The following RABL3 variants were observed in gnomAD, a reference collection of about 807,000 sequenced individuals.
RABL3 encodes RAB, member of RAS oncogene family like 3.
A neutral mutation model predicts 31.8 loss-of-function variants in RABL3; 31 were observed. The observed-to-expected ratio is 0.97, with a 90% CI of 0.73 to 1.31. RABL3 has a LOEUF of 1.31. Ranked by LOEUF, RABL3 falls within the 40% of genes most tolerant of loss-of-function variation. RABL3 has a pLI of 0.00. For missense variants in RABL3, 263 were observed against 279.6 expected (o/e 0.94, Z 0.42); for synonymous variants, 97 against 99.9 (o/e 0.97, Z 0.18).
intron 1 of RABL3, among the ~76,000 whole-genome samples, chr3:120,740,875 G>T (rs576542407): frequency 6.6e-6 from 1 of 152,298 alleles, no homozygotes; most frequent in East Asian, 1.9e-4. Context: ...GGGGAGGCGG[G>T]CAGTAGGGAA....
At chr3:120,716,251 T>C (rs1324281086) in intron 2 of RABL3, among the ~76,000 whole-genome samples, 2 of 152,240 alleles carry the variant, frequency 1.3e-5, no homozygotes, top group African/African-American at 4.8e-5. Context: ...AGAGTAGCCA[T>C]GTATTTGTAT....
intron 4 of RABL3, among the ~76,000 whole-genome samples, chr3:120,702,496 C>T (rs1309068980): frequency 3.9e-5 from 6 of 152,118 alleles, no homozygotes; most frequent in Admixed American, 6.5e-5. Context: ...GGCCTGGTTC[C>T]TAACAGGCCA....
rs559746867 is a variant in RABL3, at chr3:120,692,299, C to T, written c.607-1812G>A. On this transcript the variant is annotated intron_variant, in intron 6 of 7. Coordinates refer to ENST00000273375, the MANE Select transcript of RABL3 (RefSeq NM_173825.5). ...CTGCAAGCTCCACCTCCTGGGTTCA[C>T]GCCATTCTCCTGCCTCAGCCTCCTG... 4.9e-3 allele frequency among the ~76,000 whole-genome samples: 748 copies of T among 152,062 alleles called. 7 individuals are homozygous for T. The highest frequency in any genetic ancestry group is 0.016 in the African/African-American group (659 of 41,490).
chr3:120,701,710 C>G (rs1576333624), intron 4 of RABL3, among the ~76,000 whole-genome samples: 1 of 152,258 alleles, frequency 6.6e-6, no homozygotes, highest in Admixed American at 6.5e-5. Flanking sequence ...TATATATACT[C>G]AAACTTATAC....
intron 1 of RABL3, among the ~76,000 whole-genome samples, chr3:120,739,102 G>T (rs575112583): frequency 6.6e-6 from 1 of 152,306 alleles, no homozygotes; most frequent in Admixed American, 6.5e-5. Context: ...ATCTTGGCCA[G>T]GTGCGTTGGC....
At chr3:120,722,905 A>G (rs1411139297) in intron 2 of RABL3, among the ~76,000 whole-genome samples, 1 of 147,632 alleles carries the variant, frequency 6.8e-6, no homozygotes, top group East Asian at 1.9e-4. Flanking sequence ...AGCAAGAGCA[A>G]ACACATTCAA....
chr3:120,716,515 A>G (rs2107586310), intron 2 of RABL3, among the ~76,000 whole-genome samples: 1 of 152,266 alleles, frequency 6.6e-6, no homozygotes, highest in Non-Finnish European at 1.5e-5. Flanking sequence ...ATTTGAAGTA[A>G]AAGAGGCAAC....
chr3:120,735,094 G>A (rs1271502262), intron 1 of RABL3, among the ~76,000 whole-genome samples: 1 of 152,184 alleles, frequency 6.6e-6, no homozygotes, highest in Non-Finnish European at 1.5e-5. Flanking sequence ...TTTTTCCGTT[G>A]ATTGGAATAG....
intron 2 of RABL3, among the ~76,000 whole-genome samples, chr3:120,723,442 A>G (rs562123833): frequency 4.6e-5 from 7 of 152,334 alleles, no homozygotes; most frequent in Non-Finnish European, 1.0e-4. Context: ...TCCCTAACTC[A>G]TTTTATGAGG....
chr3:120,735,921 A>T (rs1708955880), intron 1 of RABL3, among the ~76,000 whole-genome samples: 1 of 152,160 alleles, frequency 6.6e-6, no homozygotes, highest in Admixed American at 6.6e-5. Flanking sequence ...AGTTTGTTAC[A>T]ACTACTGTTC....
chr3:120,736,053 A>G (rs539886694), intron 1 of RABL3, among the ~76,000 whole-genome samples: 1 of 152,336 alleles, frequency 6.6e-6, no homozygotes, highest in African/African-American at 2.4e-5. Flanking sequence ...GTAGAGGTCT[A>G]TTAGGTCCGC....
At position 120,688,646 on chromosome 3, in the gene RABL3, C is replaced by G. The variant is rs1481967717; in HGVS notation, c.*1177G>C. On this transcript the variant is annotated 3_prime_UTR_variant, in exon 8 of 8. Coordinates refer to ENST00000273375, the MANE Select transcript of RABL3 (RefSeq NM_173825.5). ...GGAGCAAAATCAGGAGTGCAGAGAC[C>G]TGCAGCAGAGCCAGAGAGAGAATAC... is the stretch of plus-strand genomic sequence containing the variant. 2 of 152,030 alleles carry G rather than the reference C, an allele frequency of 1.3e-5. No homozygotes were observed. Among genetic ancestry groups the G allele is most frequent in the African/African-American group, 2.4e-5 (1 of 41,382 alleles). 9.4% of individuals were successfully genotyped at this position (152,030 alleles called of 1,614,324 possible). A position where few individuals can be genotyped will look rare whatever the true frequency, so the allele number is the denominator to read the frequency against.
intron 4 of RABL3, among the ~76,000 whole-genome samples, chr3:120,704,309 A>C (rs539805943): frequency 6.6e-5 from 10 of 152,346 alleles, no homozygotes; most frequent in African/African-American, 1.7e-4. Flanking sequence ...CAGCCTAAAG[A>C]AGCAGCCACA....
In RABL3 at chr3:120,730,727, G is replaced by T. The variant is rs200612497; in HGVS notation, c.107C>A (p.Ser36Ter). The part of the protein sequence containing the change: ...LCQNQVLGNP[S>*]WTVGCSVDVR... ...ATCCACTGAGCAGCCCACAGTCCAT[G>T]ATGGATTTCCCAGCACTTGATTTTG... The change falls in exon 2 of 8, where the codon TCA (serine) becomes TAA (stop). Residue 36 changes from serine (S) to a stop codon, truncating the protein, a stop_gained. Transcript: ENST00000273375. LOFTEE classifies it high-confidence loss of function. 78 of 1,613,752 alleles carry T rather than the reference G, an allele frequency of 4.8e-5. No homozygotes were observed. Among genetic ancestry groups the T allele is most frequent in the Non-Finnish European group, 6.2e-5 (73 of 1,179,826 alleles).
At chr3:120,720,345 G>C (rs1195341962) in intron 2 of RABL3, among the ~76,000 whole-genome samples, 1 of 152,198 alleles carries the variant, frequency 6.6e-6, no homozygotes, top group African/African-American at 2.4e-5. Flanking sequence ...GAATGACTTT[G>C]ATGATTTGAG....
intron 2 of RABL3, among the ~76,000 whole-genome samples, chr3:120,721,353 A>C (rs188097045): frequency 3.0e-4 from 45 of 152,366 alleles, no homozygotes; most frequent in Admixed American, 1.2e-3. Context: ...CTTAAATTGT[A>C]AGTGGGCTAA....
chr3:120,723,502 G>T (rs142719307), intron 2 of RABL3, among the ~76,000 whole-genome samples: 1 of 152,202 alleles, frequency 6.6e-6, no homozygotes, highest in Non-Finnish European at 1.5e-5. Flanking sequence ...CAAAAAAAGA[G>T]AATTTTTGAC....
At chr3:120,708,718 T>C (rs2107582239) in intron 3 of RABL3, among the ~76,000 whole-genome samples, 1 of 152,166 alleles carries the variant, frequency 6.6e-6, no homozygotes, top group East Asian at 1.9e-4. Flanking sequence ...TGCATGATGA[T>C]GGCATATATC....
intron 7 of RABL3, among the ~76,000 whole-genome samples, chr3:120,690,193 T>C (rs541506754): frequency 5.9e-5 from 9 of 152,296 alleles, no homozygotes; most frequent in African/African-American, 2.2e-4. Flanking sequence ...GAACGTATAC[T>C]CTTGGAGTCC....
Sources: allele counts gnomAD v4.1 joint callset (sites outside exome capture counted in the v4.1 genomes callset), GRCh38; gene constraint gnomAD v4.1.1; transcripts MANE v1.5; gene names NCBI Gene and HGNC (gene_info 2026-07-23, HGNC 2026-07-21).